Variants in CDHR2 observed in about 807,000 individuals in gnomAD.
CDHR2 encodes the protein cadherin related family member 2.
In CDHR2, 104 loss-of-function variants were observed where a neutral mutation model predicts 138.6. The ratio of observed to expected loss-of-function variants is 0.75; its 90% CI spans 0.64 to 0.88. CDHR2 has a LOEUF of 0.88. CDHR2 is among the 40% of genes least tolerant of loss of function. The pLI is 0.00. For synonymous variants in CDHR2, 755 were observed against 742.8 expected (o/e 1.02, Z -0.27); for missense variants, 1,624 against 1,727.6 (o/e 0.94, Z 1.06).
At chr5:176,594,985 C>T (rs991370086) in intron 31 of CDHR2, among the ~76,000 whole-genome samples, 10 of 152,180 alleles carry the variant, frequency 6.6e-5, no homozygotes, top group Admixed American at 2.6e-4. Context: ...CAAAAAGAGA[C>T]GTCAAATTCA....
rs1390173765 is a variant in CDHR2 at position 176,590,551 on chromosome 5, A to G, written c.3415-12A>G. On this transcript the variant is annotated splice_polypyrimidine_tract_variant and intron_variant, in intron 27 of 31. Transcript: ENST00000261944. ...AGACGAGTGTGCTTCCCTCACACTC[A>G]TCTTTCTCCAGGGCTCCCAGGAGAG... The G allele has an allele frequency of 9.9e-6, 16 of 1,613,882 alleles. No individual in the cohort carries two copies. The highest frequency in any genetic ancestry group is 1.3e-5 in the African/African-American group (1 of 74,892).
At chr5:176,582,457 TG>T (rs79243489) in intron 17 of CDHR2, among the ~76,000 whole-genome samples, 28,664 of 152,130 alleles carry the variant, frequency 0.19, 3,435 homozygotes, top group East Asian at 0.48. Flanking sequence ...CATAAGTCAC[TG>T]AGCCCGGTTT....
chr5:176,569,228 A>G (rs1304093921), intron 5 of CDHR2, among the ~76,000 whole-genome samples: 1 of 151,618 alleles, frequency 6.6e-6, no homozygotes, highest in Non-Finnish European at 1.5e-5. Flanking sequence ...TTTATATCAT[A>G]TGAGGGCTTT....
At chr5:176,552,289 C>T (rs181823235) in intron 1 of CDHR2, among the ~76,000 whole-genome samples, 29 of 152,334 alleles carry the variant, frequency 1.9e-4, no homozygotes, top group Middle Eastern at 3.4e-3. Context: ...CTGGGCCTTA[C>T]AGAATGGAGA....
In CDHR2 at chr5:176,543,214, G is replaced by A; in HGVS notation, c.-16+445G>A. 6.8e-6 allele frequency among the ~76,000 whole-genome samples: 1 copy of A among 147,916 alleles called. No homozygotes were observed. Among genetic ancestry groups the A allele is most frequent in the African/African-American group, 2.4e-5 (1 of 40,948 alleles). On this transcript the variant is annotated intron_variant, in intron 1 of 31. Coordinates refer to the CDHR2 transcript ENST00000510636. The surrounding 1 kb of genome is among the most constrained non-coding windows in gnomAD (Gnocchi z 4.0). ...CGCCCCCTACCGCCGCGTGCTCGCC[G>A]GCCCTGCGCCCGGGGCGCTCGGCGC...
chr5:176,576,418 G>A lies in CDHR2; in HGVS notation c.1194+233G>A, dbSNP rs1758384262. ...GCCATGCTGAGTGGAGGCTGACGTA[G>A]AACGTCAGATGATGCTGAGTAGAAC... On this transcript the variant is annotated intron_variant, in intron 12 of 31. Transcript: ENST00000261944. This position sits in a 1 kb window ranked among gnomAD's most constrained non-coding sequence, Gnocchi z 4.5. 6.6e-6 allele frequency among the ~76,000 whole-genome samples: 1 copy of A among 152,072 alleles called. No individual in the cohort carries two copies. Among genetic ancestry groups the A allele is most frequent in the Non-Finnish European group, 1.5e-5 (1 of 68,018 alleles).
At chr5:176,548,649 A>G (rs1177791458), upstream of CDHR2, among the ~76,000 whole-genome samples, 1 of 152,172 alleles carries the variant, frequency 6.6e-6, no homozygotes, top group African/African-American at 2.4e-5. Context: ...AGGCTGAGGT[A>G]GGAGAATTGC....
At position 176,569,008 on chromosome 5, in the gene CDHR2, C is replaced by CA. The variant is rs1758156964; in HGVS notation, c.314dup (p.Val106GlyfsTer12). 1 of 1,613,994 alleles carries CA rather than the reference C, an allele frequency of 6.2e-7. No homozygotes were observed. The highest frequency in any genetic ancestry group is 1.3e-5 in the African/African-American group (1 of 74,928). ...CATCTCCGTGAGCGACCCCTACATC[C>CA]AGGTGAGTTGGGAGGTGCAGGGGGG... On this transcript the variant is annotated frameshift_variant and splice_region_variant, in exon 5 of 32. Coordinates refer to ENST00000261944, the MANE Select transcript of CDHR2 (RefSeq NM_017675.6). LOFTEE classifies it high-confidence loss of function.
At chr5:176,581,610 C>A (rs777166653) in intron 17 of CDHR2, 28 bp downstream of exon 17, 2 of 1,599,106 alleles carry the variant, frequency 1.3e-6, no homozygotes, top group South Asian at 2.2e-5. Flanking sequence ...CAGGATGGGC[C>A]TGGGGGCCTC....
chr5:176,544,885 T>C (rs1035301171), upstream of CDHR2, among the ~76,000 whole-genome samples: 1 of 152,140 alleles, frequency 6.6e-6, no homozygotes, highest in African/African-American at 2.4e-5. Context: ...AGGGGTTGAA[T>C]GCATTCACAC....
chr5:176,565,458 G>C (rs1284031715), intron 2 of CDHR2, 54 bp downstream of exon 2: 1 of 1,540,024 alleles, frequency 6.5e-7, no homozygotes, highest in Non-Finnish European at 9.0e-7. Flanking sequence ...CCCTTGGCAG[G>C]ACCCTCCAGA....
chr5:176,560,678 C>A (rs567215561), intron 1 of CDHR2, among the ~76,000 whole-genome samples: 5 of 152,240 alleles, frequency 3.3e-5, no homozygotes, highest in African/African-American at 1.2e-4. Context: ...CTCACCATTG[C>A]CTTCCCATTG....
chr5:176,569,109 G>T, intron 5 of CDHR2, 99 bp downstream of exon 5: 1 of 1,032,640 alleles, frequency 9.7e-7, no homozygotes, highest in Non-Finnish European at 1.5e-6. Context: ...AGTTAACAGT[G>T]AATTTAATGT....
At position 176,578,057 on chromosome 5, in the gene CDHR2, G is replaced by T. The variant is rs114954087; in HGVS notation, c.1536G>T (p.Ala512=). 1.2e-6 allele frequency: 2 copies of T among 1,612,640 alleles called. No individual in the cohort carries two copies. The highest frequency in any genetic ancestry group is 3.3e-5 in the Admixed American group (2 of 59,960). The change falls in exon 15 of 32, where the codon GCG becomes GCT. Residue 512 remains alanine (A), a synonymous_variant. Coordinates refer to ENST00000261944, the MANE Select transcript of CDHR2 (RefSeq NM_017675.6). ...AGGCCACGGACCCAGACACGGGCGCGTGGGGCCAAATTACCTACAGCCTGC... is the reference window on the plus strand; with the variant it reads ...AGGCCACGGACCCAGACACGGGCGCTTGGGGCCAAATTACCTACAGCCTGC... The part of the protein sequence containing the change: ...SIHATDPDTG[A]WGQITYSLLP...
rs757392390 is a variant in CDHR2 at position 176,574,113 on chromosome 5, G to A, written c.436G>A (p.Val146Met). 14 of 1,614,092 alleles carry A rather than the reference G, an allele frequency of 8.7e-6. 1 individual carries two copies. The highest frequency in any genetic ancestry group is 4.4e-5 in the South Asian group (4 of 91,074). Residue 146 changes from valine (V) to methionine (M), a missense_variant, in exon 7 of 32, where the codon GTG (valine) becomes ATG (methionine). Physicochemically the swap from Val to Met is conservative, Grantham distance 21. Transcript: ENST00000261944. ...TLPVGSVVFS[V>M]LAVDKDMGSA... is the part of the protein sequence containing the mutation. ...GCCCGTGGGCAGTGTGGTGTTCTCC[G>A]TGCTGGCCGTGGATAAAGACATGGG...
chr5:176,545,686 C>A (rs1213767262), upstream of CDHR2, among the ~76,000 whole-genome samples: 2 of 152,196 alleles, frequency 1.3e-5, no homozygotes, highest in Admixed American at 1.3e-4. Context: ...CCCAAGCCCC[C>A]AGCAGGTAAG....
At chr5:176,550,117 G>A (rs764496755) in intron 1 of CDHR2, among the ~76,000 whole-genome samples, 1 of 152,210 alleles carries the variant, frequency 6.6e-6, no homozygotes, top group African/African-American at 2.4e-5. Flanking sequence ...GTGCTGGGTT[G>A]GGCACCAGGC....
chr5:176,546,388 A>T (rs367881422), upstream of CDHR2, among the ~76,000 whole-genome samples: 22 of 152,268 alleles, frequency 1.4e-4, no homozygotes, highest in East Asian at 3.1e-3. Flanking sequence ...AATAGTCACC[A>T]CCATGCCCCC....
chr5:176,564,193 CT>C (rs34038928), intron 1 of CDHR2, among the ~76,000 whole-genome samples: 20 of 149,248 alleles, frequency 1.3e-4, no homozygotes, highest in South Asian at 1.3e-3. Context: ...TTTGGGGATT[CT>C]TTTTTTTTTG....
Sources: allele counts gnomAD v4.1 joint callset (sites outside exome capture counted in the v4.1 genomes callset), GRCh38; gene constraint gnomAD v4.1.1; non-coding constraint Gnocchi (gnomAD v3.1); transcripts MANE v1.5; gene names NCBI Gene and HGNC (gene_info 2026-07-23, HGNC 2026-07-21).